Variants in SCAF4 observed in about 807,000 individuals in gnomAD.
SCAF4 encodes SR-related and CTD-associated factor 4.
A neutral mutation model predicts 129.8 loss-of-function variants in SCAF4; 25 were observed. That is an observed-to-expected ratio of 0.19 (90% CI 0.14 to 0.27). The LOEUF (loss-of-function observed/expected upper bound fraction) is 0.27. SCAF4 is among the 10% of genes least tolerant of loss of function. The probability of loss-of-function intolerance (pLI) is 1.00; values close to 1 mark genes in which losing one functional copy is unlikely to be tolerated. For synonymous variants in SCAF4, 551 were observed against 497.7 expected (o/e 1.11, Z -1.43); for missense variants, 1,246 against 1,457.1 (o/e 0.86, Z 2.36).
chr21:31,724,853 T>C (rs1021052578), intron 1 of SCAF4, among the ~76,000 whole-genome samples: 5 of 152,222 alleles, frequency 3.3e-5, no homozygotes, highest in Non-Finnish European at 7.3e-5. Flanking sequence ...CAATTCCTCA[T>C]GTGTTCATGT....
rs182259875 is a variant in SCAF4, at chr21:31,719,146, C to A, written c.30+12517G>T. 2.7e-3 allele frequency among the ~76,000 whole-genome samples: 413 copies of A among 152,128 alleles called. 1 individual carries two copies. The highest frequency in any genetic ancestry group is 9.3e-3 in the African/African-American group (386 of 41,506). On this transcript the variant is annotated intron_variant, in intron 1 of 19. Transcript: ENST00000286835. ...TCTCTACTAAACATACAAAATTAGC[C>A]GGGCGTGGTGGCACATGCCTGTAAT...
chr21:31,707,478 CAT>C (rs1225131355), intron 1 of SCAF4, among the ~76,000 whole-genome samples: 1 of 149,780 alleles, frequency 6.7e-6, no homozygotes, highest in East Asian at 1.9e-4. Context: ...CCAACCAAAA[CAT>C]AGAGTCCATA....
chr21:31,674,179 G>A (rs1268643160), intron 19 of SCAF4, among the ~76,000 whole-genome samples: 1 of 152,070 alleles, frequency 6.6e-6, no homozygotes. Context: ...GAGAGAAAAT[G>A]GGCCCTGATG....
intron 1 of SCAF4, among the ~76,000 whole-genome samples, chr21:31,708,738 C>T (rs966472663): frequency 2.0e-5 from 3 of 152,124 alleles, no homozygotes; most frequent in African/African-American, 7.2e-5. Flanking sequence ...AACTAGAAAC[C>T]CTCCCTTCCT....
At position 31,725,475 on chromosome 21, in the gene SCAF4, C is replaced by T. The variant is rs561352877; in HGVS notation, c.30+6188G>A. 5.3e-5 allele frequency among the ~76,000 whole-genome samples: 8 copies of T among 152,290 alleles called. No homozygotes were observed. In the East Asian group the frequency reaches 1.5e-3, roughly 29 times the overall value. On this transcript the variant is annotated intron_variant, in intron 1 of 19. Coordinates refer to ENST00000286835, the MANE Select transcript of SCAF4 (RefSeq NM_020706.2). Reference sequence around the variant, plus strand: ...ATAAGTGTACCAATGTCAATTCGTACATTAAGTATTCATAAAGCCTAATTT... The same window carrying T: ...ATAAGTGTACCAATGTCAATTCGTATATTAAGTATTCATAAAGCCTAATTT...
chr21:31,684,397 A>G (rs1019071457), intron 19 of SCAF4: 1 of 152,250 alleles, frequency 6.6e-6, no homozygotes, highest in African/African-American at 2.4e-5. Flanking sequence ...AAGCCTGCTT[A>G]AAGATGTAAA....
intron 2 of SCAF4, 146 bp from the exon 3 acceptor site, chr21:31,705,613 AAT>A: frequency 2.9e-6 from 1 of 339,226 alleles, no homozygotes; most frequent in Non-Finnish European, 5.4e-6. Flanking sequence ...TAAAAAATTT[AAT>A]ATTAAAAAAC....
chr21:31,671,973 T>C lies in SCAF4; in HGVS notation c.2870A>G (p.Gln957Arg). 5 of 1,611,096 alleles carry C rather than the reference T, an allele frequency of 3.1e-6. No individual in the cohort carries two copies. Among genetic ancestry groups the C allele is most frequent in the Non-Finnish European group, 4.2e-6 (5 of 1,177,694 alleles). ...PQQQPQPQAPQQPQQQQQQQP... is the reference protein window; with the variant it reads ...PQQQPQPQAPRQPQQQQQQQP... ...CTGCTGCTGCTGCTGCTGTGGTTGC[T>C]GGGGCGCCTGCGGCTGTGGCTGCTG... The change falls in exon 20 of 20, where the codon CAG becomes CGG. Residue 957 changes from glutamine to arginine, a missense_variant. Gln to Arg is a conservative substitution (Grantham distance 43). Transcript: ENST00000286835.
At chr21:31,702,121 T>C in intron 5 of SCAF4, 123 bp downstream of exon 5, 9 of 1,400,540 alleles carry the variant, frequency 6.4e-6, no homozygotes, top group Non-Finnish European at 8.9e-6. Context: ...AAATCATACC[T>C]TCCAAGATGT....
intron 1 of SCAF4, among the ~76,000 whole-genome samples, chr21:31,720,346 T>C (rs576500296): frequency 1.3e-5 from 2 of 152,360 alleles, no homozygotes; most frequent in South Asian, 4.1e-4. Context: ...GCTGATTACA[T>C]TTACTGCATT....
chr21:31,676,807 T>C (rs2049867447), intron 19 of SCAF4, among the ~76,000 whole-genome samples: 1 of 152,216 alleles, frequency 6.6e-6, no homozygotes, highest in African/African-American at 2.4e-5. Flanking sequence ...ACATTTTTAT[T>C]ACCCTAAAAG....
intron 1 of SCAF4, among the ~76,000 whole-genome samples, chr21:31,724,854 G>A (rs1336565890): frequency 6.6e-6 from 1 of 152,118 alleles, no homozygotes; most frequent in Non-Finnish European, 1.5e-5. Context: ...AATTCCTCAT[G>A]TGTTCATGTA....
chr21:31,720,545 A>C (rs2051043169), intron 1 of SCAF4, among the ~76,000 whole-genome samples: 1 of 152,190 alleles, frequency 6.6e-6, no homozygotes. Context: ...AAAACTTCAC[A>C]GCAGCCATGT....
intron 6 of SCAF4, 122 bp downstream of exon 6, chr21:31,701,654 T>C: frequency 9.5e-7 from 1 of 1,054,648 alleles, no homozygotes; most frequent in Non-Finnish European, 1.3e-6. Context: ...GTGAAGGCTT[T>C]TCTAGTTGAA....
At chr21:31,717,842 TACACAC>T (rs66498283) in intron 1 of SCAF4, among the ~76,000 whole-genome samples, 2,590 of 114,258 alleles carry the variant, frequency 0.023, 111 homozygotes, top group African/African-American at 0.082. Context: ...TATATATATA[TACACAC>T]ACACACACAC....
At chr21:31,688,789 T>C (rs1203222916) in intron 15 of SCAF4, among the ~76,000 whole-genome samples, 3 of 152,192 alleles carry the variant, frequency 2.0e-5, no homozygotes, top group African/African-American at 2.4e-5. Context: ...TCTTGGTAAA[T>C]GGCAGGGACG....
chr21:31,672,423 T>C, intron 19 of SCAF4, 69 bp from the exon 20 acceptor site: 1 of 1,229,734 alleles, frequency 8.1e-7, no homozygotes, highest in Non-Finnish European at 1.2e-6. Context: ...CTGTGTTCTG[T>C]GGCGCTTAAA....
At chr21:31,710,015 T>C (rs958938236) in intron 1 of SCAF4, among the ~76,000 whole-genome samples, 1 of 151,782 alleles carries the variant, frequency 6.6e-6, no homozygotes, top group Non-Finnish European at 1.5e-5. Flanking sequence ...GACCATTAAC[T>C]ATGAAAAGGA....
At chr21:31,695,788 T>C (rs140342688) in intron 9 of SCAF4, among the ~76,000 whole-genome samples, 590 of 152,316 alleles carry the variant, frequency 3.9e-3, no homozygotes, top group Non-Finnish European at 6.1e-3. Flanking sequence ...CTCTAAAGTA[T>C]CTAACCACAC....
Sources: allele counts gnomAD v4.1 joint callset (sites outside exome capture counted in the v4.1 genomes callset), GRCh38; gene constraint gnomAD v4.1.1; transcripts MANE v1.5; gene names NCBI Gene and HGNC (gene_info 2026-07-23, HGNC 2026-07-21).